The following EPHA3 variants were observed in gnomAD, a reference collection of about 807,000 sequenced individuals.
The protein encoded by EPHA3 is ephrin type-A receptor 3.
Under a neutral mutation model 107.1 loss-of-function variants are expected in EPHA3, and 42 were observed. The ratio of observed to expected loss-of-function variants is 0.39; its 90% confidence interval spans 0.31 to 0.51. EPHA3 has a LOEUF of 0.51. Among genes scored for constraint, EPHA3 ranks in the 20% least tolerant of loss-of-function variants. The pLI is 0.78. For synonymous variants in EPHA3, 461 were observed against 424.8 expected, an observed-to-expected ratio of 1.09 and a Z score of -1.05; for missense variants, 1,183 against 1,211.2, an observed-to-expected ratio of 0.98 and a Z score of 0.35.
intron 16 of EPHA3, among the ~76,000 whole-genome samples, chr3:89,478,977 C>G (rs1710572939): frequency 6.6e-6 from 1 of 152,160 alleles, no homozygotes; most frequent in African/African-American, 2.4e-5. Context: ...CTGGTATTCT[C>G]TGGATTGTGG....
intron 2 of EPHA3, among the ~76,000 whole-genome samples, chr3:89,195,466 A>G (rs1303270471): frequency 6.6e-6 from 1 of 152,142 alleles, no homozygotes; most frequent in Non-Finnish European, 1.5e-5. Context: ...TTTCAAGGAT[A>G]AAATGATGCA....
intron 3 of EPHA3, among the ~76,000 whole-genome samples, chr3:89,335,152 G>A (rs1156785428): frequency 1.6e-4 from 24 of 152,098 alleles, no homozygotes; most frequent in Admixed American, 1.6e-3. Flanking sequence ...ACCATAAGCT[G>A]GTTAGTTTAT....
rs149926377 is a variant in EPHA3 at position 89,395,774 on chromosome 3, G to A, written c.1307-63G>A. On this transcript the variant is annotated intron_variant, in intron 5 of 16. Coordinates refer to ENST00000336596, the MANE Select transcript of EPHA3 (RefSeq NM_005233.6). ...TTCCCTTCTCCCTCTGTTCTTATTC[G>A]CCACCCTTTCTAACCCATTAATTTG... 3,403 of 1,583,446 alleles carry A rather than the reference G, an allele frequency of 2.1e-3. 81 individuals are homozygous for A. In the African/African-American group the frequency reaches 0.039, roughly 18 times the overall value.
chr3:89,471,405 G>A (rs1710398331), intron 15 of EPHA3, among the ~76,000 whole-genome samples: 1 of 152,132 alleles, frequency 6.6e-6, no homozygotes, highest in Non-Finnish European at 1.5e-5. Context: ...TTTCGCTCCT[G>A]TTGCCCAGGC....
chr3:89,405,521 T>C (rs1254294772), intron 7 of EPHA3, among the ~76,000 whole-genome samples: 3 of 152,200 alleles, frequency 2.0e-5, no homozygotes, highest in Non-Finnish European at 2.9e-5. Context: ...TGTGCCATCC[T>C]GCCACACTCT....
At chr3:89,400,494 C>T (rs1708939145) in intron 7 of EPHA3, 1 of 152,238 alleles carries the variant, frequency 6.6e-6, no homozygotes, top group South Asian at 2.1e-4. Context: ...CGTTGGCCTC[C>T]CAAAGTGCTA....
chr3:89,367,536 T>G (rs1708207976), intron 5 of EPHA3, among the ~76,000 whole-genome samples: 1 of 150,678 alleles, frequency 6.6e-6, no homozygotes, highest in Admixed American at 6.7e-5. Context: ...ATCACATAAC[T>G]TAGCTCCTTT....
At chr3:89,136,018 T>A (rs1704302455) in intron 2 of EPHA3, among the ~76,000 whole-genome samples, 1 of 152,160 alleles carries the variant, frequency 6.6e-6, no homozygotes, top group Non-Finnish European at 1.5e-5. Context: ...GTTCTAAAAA[T>A]CTTACCAACT....
Position 89,480,994 on chromosome 3 carries a change from C to A in EPHA3, c.*1492C>A, listed in dbSNP as rs955153689. ...CATAAAGGCTAACTATGAGCTTGCTCATTAATTTTGAAAAGATGTACCTGG... is the reference window on the plus strand; with the variant it reads ...CATAAAGGCTAACTATGAGCTTGCTAATTAATTTTGAAAAGATGTACCTGG... On this transcript the variant is annotated 3_prime_UTR_variant, in exon 17 of 17. Transcript: ENST00000336596. 4.3e-6 allele frequency: 1 copy of A among 231,780 alleles called. No homozygotes were observed. Among genetic ancestry groups the A allele is most frequent in the South Asian group, 1.8e-4 (1 of 5,516 alleles). The allele number at this position is 231,780 out of a possible 1,614,324, so 14.4% of individuals were successfully genotyped here.
intron 2 of EPHA3, among the ~76,000 whole-genome samples, chr3:89,134,591 C>T (rs1456286200): frequency 6.6e-6 from 1 of 152,094 alleles, no homozygotes; most frequent in Non-Finnish European, 1.5e-5. Flanking sequence ...TGTATATGTG[C>T]CACATTTTCT....
chr3:89,243,205 C>T (rs943057496), intron 3 of EPHA3, among the ~76,000 whole-genome samples: 17 of 152,054 alleles, frequency 1.1e-4, no homozygotes, highest in African/African-American at 1.9e-4. Context: ...AATAGTGCCG[C>T]GATAAACATA....
At chr3:89,380,735 A>G (rs1708484885) in intron 5 of EPHA3, among the ~76,000 whole-genome samples, 1 of 152,042 alleles carries the variant, frequency 6.6e-6, no homozygotes, top group African/African-American at 2.4e-5. Context: ...AGTGTACTAT[A>G]AACTGTGACT....
chr3:89,344,874 T>C (rs1193574453), intron 5 of EPHA3, among the ~76,000 whole-genome samples: 7 of 141,642 alleles, frequency 4.9e-5, no homozygotes, highest in Non-Finnish European at 4.9e-5. Context: ...ATTCGGATAT[T>C]AGTTCTCAGC....
intron 5 of EPHA3, among the ~76,000 whole-genome samples, chr3:89,372,902 G>T (rs1014432193): frequency 3.3e-5 from 5 of 151,554 alleles, no homozygotes; most frequent in African/African-American, 1.2e-4. Context: ...AACCACAAAA[G>T]AACCAAGGAT....
At chr3:89,351,032 G>A (rs568407102) in intron 5 of EPHA3, among the ~76,000 whole-genome samples, 14 of 151,504 alleles carry the variant, frequency 9.2e-5, no homozygotes, top group Non-Finnish European at 1.5e-5. Context: ...CTGTCAAACA[G>A]GGACATTTAA....
intron 2 of EPHA3, among the ~76,000 whole-genome samples, chr3:89,181,417 T>C (rs1262515297): frequency 6.6e-6 from 1 of 151,948 alleles, no homozygotes; most frequent in Non-Finnish European, 1.5e-5. Flanking sequence ...CTCAGTTTTG[T>C]ACACTGATTA....
chr3:89,167,033 G>T (rs142788207), intron 2 of EPHA3, among the ~76,000 whole-genome samples: 249 of 152,168 alleles, frequency 1.6e-3, no homozygotes, highest in African/African-American at 5.6e-3. Context: ...TTCGTACAAA[G>T]AAAATAACTC....
intron 1 of EPHA3, among the ~76,000 whole-genome samples, chr3:89,118,912 A>C (rs1707315901): frequency 6.6e-6 from 1 of 151,982 alleles, no homozygotes; most frequent in Non-Finnish European, 1.5e-5. Flanking sequence ...ATGAATCTTT[A>C]GTGGAGGGTG....
intron 1 of EPHA3, among the ~76,000 whole-genome samples, chr3:89,121,704 C>A (rs533550926): frequency 1.3e-5 from 2 of 150,978 alleles, no homozygotes; most frequent in Non-Finnish European, 2.9e-5. Flanking sequence ...TTGCAGTGAG[C>A]CAAGTTTGTG....
Sources: allele counts gnomAD v4.1 joint callset (sites outside exome capture counted in the v4.1 genomes callset), GRCh38; gene constraint gnomAD v4.1.1; transcripts MANE v1.5; gene names NCBI Gene and HGNC (gene_info 2026-07-23, HGNC 2026-07-21).